Variants in DCC observed in about 807,000 individuals in gnomAD.
DCC encodes the protein netrin receptor DCC.
A neutral mutation model predicts 172.5 loss-of-function variants in DCC; 58 were observed. The ratio of observed to expected loss-of-function variants is 0.34; its 90% CI spans 0.27 to 0.42. DCC has a LOEUF of 0.42. Among genes scored for constraint, DCC ranks in the 10% least tolerant of loss-of-function variants. The pLI is 1.00. For missense variants in DCC, 1,740 were observed against 1,791.0 expected (o/e 0.97, Z 0.51); for synonymous variants, 709 against 644.5 (o/e 1.10, Z -1.52).
intron 2 of DCC, among the ~76,000 whole-genome samples, chr18:52,753,631 A>G (rs896067877): frequency 5.3e-5 from 8 of 152,338 alleles, no homozygotes; most frequent in Admixed American, 1.3e-4. Context: ...TAGTGCTTCC[A>G]AATTTCTTAA....
At chr18:52,484,978 C>T (rs773347022) in intron 1 of DCC, among the ~76,000 whole-genome samples, 3 of 151,962 alleles carry the variant, frequency 2.0e-5, no homozygotes, top group Admixed American at 6.6e-5. Flanking sequence ...TAAAATCATC[C>T]GGTCTTAGTG....
At chr18:52,770,636 T>C (rs960459163) in intron 2 of DCC, among the ~76,000 whole-genome samples, 1 of 152,178 alleles carries the variant, frequency 6.6e-6, no homozygotes, top group Non-Finnish European at 1.5e-5. Context: ...TCATCAGAAC[T>C]GCAGAGCCAA....
rs145023060 is a variant in DCC, at chr18:53,050,035, T to C, written c.986-13270T>C. On this transcript the variant is annotated intron_variant, in intron 5 of 28. Transcript: ENST00000442544. ...GAGAGCGCCTGGCAAATTACTGGTG[T>C]AAGTTCAAGAGTGAAAAAGCTGAAA... Among the ~76,000 whole-genome samples, 797 of 151,678 alleles carry C rather than the reference T, an allele frequency of 5.3e-3. 6 individuals are homozygous for C. Among genetic ancestry groups the C allele is most frequent in the Admixed American group, 0.022 (342 of 15,278 alleles).
At chr18:53,483,568 C>G (rs551852994) in intron 25 of DCC, among the ~76,000 whole-genome samples, 1 of 152,000 alleles carries the variant, frequency 6.6e-6, no homozygotes, top group South Asian at 2.1e-4. Flanking sequence ...TCTCCTTGAA[C>G]TGGAATCTAC....
chr18:52,454,589 T>C (rs1988403732), intron 1 of DCC, among the ~76,000 whole-genome samples: 3 of 152,288 alleles, frequency 2.0e-5, no homozygotes, highest in African/African-American at 7.2e-5. Context: ...GCTTACGGTA[T>C]TAACATAAAA....
chr18:52,882,020 T>A (rs2039493334), intron 2 of DCC, among the ~76,000 whole-genome samples: 1 of 152,122 alleles, frequency 6.6e-6, no homozygotes, highest in South Asian at 2.1e-4. Context: ...TTCACTTCTT[T>A]GGTTAACTTC....
In DCC at chr18:52,904,177, G is replaced by C. The variant is rs559870077; in HGVS notation, c.413-1867G>C. Among the ~76,000 whole-genome samples the C allele has an allele frequency of 8.8e-4, 134 of 152,254 alleles. 1 individual carries two copies. The highest frequency in any genetic ancestry group is 3.0e-3 in the African/African-American group (126 of 41,548). The stretch of plus-strand genomic sequence containing the variant: ...ATATGTGAGGGATAAATTAATATTT[G>C]CATCAATATTAAGGTTTTTGCATGG... On this transcript the variant is annotated intron_variant, in intron 2 of 28. Coordinates refer to ENST00000442544, the MANE Select transcript of DCC (RefSeq NM_005215.4).
chr18:53,256,587 C>A lies in DCC; in HGVS notation c.1911+40990C>A, dbSNP rs533291883. On this transcript the variant is annotated intron_variant, in intron 12 of 28. Coordinates refer to ENST00000442544, the MANE Select transcript of DCC (RefSeq NM_005215.4). ...TTGGTCTATATCTCTGTTTTGGTAC[C>A]AGTACCATGCTGTTTTGGTTACTGT... Among the ~76,000 whole-genome samples the A allele has an allele frequency of 3.9e-5, 6 of 152,216 alleles. No individual in the cohort carries two copies. The South Asian group carries it at 8.3e-4, about 21-fold the overall frequency.
intron 2 of DCC, among the ~76,000 whole-genome samples, chr18:52,842,036 G>A (rs2038816042): frequency 6.6e-6 from 1 of 151,602 alleles, no homozygotes; most frequent in South Asian, 2.1e-4. Flanking sequence ...ATATATCAAT[G>A]AAACTATTTT....
chr18:52,885,995 C>A (rs2039564134), intron 2 of DCC, among the ~76,000 whole-genome samples: 1 of 151,696 alleles, frequency 6.6e-6, no homozygotes, highest in Non-Finnish European at 1.5e-5. Flanking sequence ...TGCCCAGTGC[C>A]CTTTTCTACT....
At chr18:53,092,188 A>T (rs902281951) in intron 7 of DCC, among the ~76,000 whole-genome samples, 5 of 152,134 alleles carry the variant, frequency 3.3e-5, no homozygotes, top group Admixed American at 2.0e-4. Context: ...GGTACCTTAA[A>T]TTTTTTAAAT....
intron 1 of DCC, among the ~76,000 whole-genome samples, chr18:52,447,985 G>A (rs1329993513): frequency 6.6e-6 from 1 of 152,154 alleles, no homozygotes; most frequent in Non-Finnish European, 1.5e-5. Context: ...CATATCAGGA[G>A]AGTATTGGAG....
At position 52,368,701 on chromosome 18, in the gene DCC, A is replaced by G. The variant is rs752482318; in HGVS notation, c.91+27823A>G. Reference sequence around the variant, plus strand: ...TGCAAAGTGAAGAAGTTCTTTCTCCATAGCTCCCACCTCTTCATTGTCTGG... The same window carrying G: ...TGCAAAGTGAAGAAGTTCTTTCTCCGTAGCTCCCACCTCTTCATTGTCTGG... On this transcript the variant is annotated intron_variant, in intron 1 of 28. Coordinates refer to ENST00000442544, the MANE Select transcript of DCC (RefSeq NM_005215.4). Among the ~76,000 whole-genome samples, 25 of 152,148 alleles carry G rather than the reference A, an allele frequency of 1.6e-4. 1 individual carries two copies. The highest frequency in any genetic ancestry group is 1.3e-4 in the Admixed American group (2 of 15,288).
At chr18:53,090,460 G>A (rs1390077152) in intron 7 of DCC, among the ~76,000 whole-genome samples, 4 of 151,634 alleles carry the variant, frequency 2.6e-5, no homozygotes, top group Admixed American at 6.6e-5. Flanking sequence ...TTGGGAGGCC[G>A]AGGCGGGCGG....
intron 1 of DCC, among the ~76,000 whole-genome samples, chr18:52,460,694 T>G (rs897712118): frequency 2.0e-5 from 3 of 152,204 alleles, no homozygotes; most frequent in African/African-American, 4.8e-5. Flanking sequence ...CACGTTACTA[T>G]TCTGAATACT....
At chr18:53,465,797 C>G (rs954294144) in intron 24 of DCC, among the ~76,000 whole-genome samples, 2 of 151,936 alleles carry the variant, frequency 1.3e-5, no homozygotes, top group East Asian at 3.9e-4. Flanking sequence ...TGGAGTCTCA[C>G]TCTGTTGCCC....
At chr18:53,036,863 G>T (rs2042100776) in intron 5 of DCC, among the ~76,000 whole-genome samples, 1 of 151,922 alleles carries the variant, frequency 6.6e-6, no homozygotes, top group Admixed American at 6.6e-5. Flanking sequence ...GTTCTTTCAG[G>T]CATTGCTTTC....
chr18:52,628,467 C>A (rs767408687), intron 1 of DCC, among the ~76,000 whole-genome samples: 1 of 152,206 alleles, frequency 6.6e-6, no homozygotes, highest in Non-Finnish European at 1.5e-5. Flanking sequence ...CAGCTGGCTG[C>A]AAATATGTGC....
intron 27 of DCC, among the ~76,000 whole-genome samples, chr18:53,520,350 C>T (rs1420917931): frequency 1.3e-5 from 2 of 152,102 alleles, no homozygotes; most frequent in Non-Finnish European, 2.9e-5. Flanking sequence ...ATTGCCTTCT[C>T]ATTTGAACAT....
Sources: gnomAD v4.1 joint callset for allele counts (sites outside exome capture counted in the v4.1 genomes callset) on GRCh38, gnomAD v4.1.1 for gene constraint, MANE v1.5 for transcripts, NCBI Gene and HGNC (gene_info 2026-07-23, HGNC 2026-07-21) for gene names.